Variants in NLRP14 observed in about 807,000 individuals in gnomAD.
NLRP14 encodes the protein NACHT, LRR and PYD domains-containing protein 14.
In NLRP14, 105 loss-of-function variants were observed where a neutral mutation model predicts 94.7. That is an observed-to-expected ratio of 1.11 (90% CI 0.95 to 1.30). The LOEUF is 1.30. Ranked by LOEUF, NLRP14 falls within the 50% of genes most tolerant of loss-of-function variation. The pLI is 0.00. For missense variants in NLRP14, 1,362 were observed against 1,254.1 expected (o/e 1.09, Z -1.30); for synonymous variants, 508 against 459.9 (o/e 1.10, Z -1.34).
At chr11:7,053,676 C>T (rs1340518146) in intron 6 of NLRP14, among the ~76,000 whole-genome samples, 2 of 151,270 alleles carry the variant, frequency 1.3e-5, no homozygotes, top group African/African-American at 4.9e-5. Context: ...TTTTTAGGTA[C>T]ATAGTAGGTG....
intron 8 of NLRP14, among the ~76,000 whole-genome samples, chr11:7,059,197 ATATAT>A (rs1852571500): frequency 6.7e-6 from 1 of 149,924 alleles, no homozygotes; most frequent in Non-Finnish European, 1.5e-5. Flanking sequence ...TTAATATCAC[ATATAT>A]TATTATTTTT....
rs1852284795 is a variant in NLRP14, at chr11:7,042,981, T to C, written c.955T>C (p.Leu319=). 1.9e-6 allele frequency: 3 copies of C among 1,614,050 alleles called. No homozygotes were observed. In the African/African-American group the frequency reaches 4.0e-5, roughly 22 times the overall value. Residue 319 remains leucine (L), a synonymous_variant, in exon 4 of 12, where the codon TTG becomes CTG. Transcript: ENST00000299481. ...AACTTCTAAGAGACTAAAGCAGTTG[T>C]TGAAGAATCACCATTATGTAGAGCT... ...LTTSKRLKQL[L]KNHHYVELLG... is the part of the protein sequence containing the mutation.
intron 1 of NLRP14, among the ~76,000 whole-genome samples, chr11:7,036,374 C>T (rs7120622): frequency 0.94 from 142,931 of 152,290 alleles, 67,752 homozygotes; most frequent in East Asian, 1. Flanking sequence ...TTCTACTCTA[C>T]TATAATTGTA....
intron 4 of NLRP14, among the ~76,000 whole-genome samples, chr11:7,046,152 G>A (rs1051087425): frequency 1.3e-5 from 2 of 152,078 alleles, no homozygotes; most frequent in Non-Finnish European, 2.9e-5. Flanking sequence ...CCACATCTTT[G>A]TGAAAGGAGA....
chr11:7,065,988 T>C (rs1011476257), intron 10 of NLRP14, among the ~76,000 whole-genome samples: 2 of 152,190 alleles, frequency 1.3e-5, no homozygotes, highest in Non-Finnish European at 2.9e-5. Context: ...GTTAGTTTGC[T>C]GAGAATGATG....
Position 7,046,785 on chromosome 11 carries a change from C to A in NLRP14, c.2076C>A (p.Ile692=). ...HSNLDKSAMN[I]LHHELRHPNC... is the part of the protein sequence containing the mutation. Reference sequence around the variant, plus strand: ...ACCTTGATAAATCAGCAATGAATATCCTGCATCATGAACTAAGGCACCCAA... The same window carrying A: ...ACCTTGATAAATCAGCAATGAATATACTGCATCATGAACTAAGGCACCCAA... The change falls in exon 5 of 12, where the codon ATC becomes ATA. Residue 692 remains isoleucine, a synonymous_variant. Coordinates refer to ENST00000299481, the MANE Select transcript of NLRP14 (RefSeq NM_176822.4). The A allele has an allele frequency of 1.2e-6, 2 of 1,613,644 alleles. No homozygotes were observed. Among genetic ancestry groups the A allele is most frequent in the Non-Finnish European group, 8.5e-7 (1 of 1,179,582 alleles).
the NLRP14 span, among the ~76,000 whole-genome samples, chr11:7,080,187 C>CATCTGAA: frequency 7.2e-5 from 11 of 152,174 alleles, no homozygotes; most frequent in African/African-American, 2.2e-4. Flanking sequence ...TTGCAGCTGG[C>CATCTGAA]ATCTGAAGTG....
At chr11:7,040,700 T>C (rs1332778693) in intron 3 of NLRP14, among the ~76,000 whole-genome samples, 1 of 152,176 alleles carries the variant, frequency 6.6e-6, no homozygotes, top group African/African-American at 2.4e-5. Flanking sequence ...CCAGCCACAT[T>C]CTAACAAGCC....
At chr11:7,089,332 G>A in the NLRP14 span, 2 of 1,607,694 alleles carry the variant, frequency 1.2e-6, no homozygotes, top group Admixed American at 1.7e-5. Flanking sequence ...GACATGAACG[G>A]CAAGTCCCTG....
At chr11:7,038,142 G>A (rs148350784) in intron 1 of NLRP14, among the ~76,000 whole-genome samples, 1 of 152,266 alleles carries the variant, frequency 6.6e-6, no homozygotes, top group East Asian at 1.9e-4. Context: ...GGGGATAGAA[G>A]GGATGAGGAT....
At chr11:7,080,755 C>T in the NLRP14 span, among the ~76,000 whole-genome samples, 5 of 152,108 alleles carry the variant, frequency 3.3e-5, no homozygotes, top group African/African-American at 7.2e-5. Flanking sequence ...AAAGAGATAG[C>T]GTAAGACTTA....
chr11:7,069,299 A>G (rs1852755423), intron 10 of NLRP14, among the ~76,000 whole-genome samples: 1 of 152,224 alleles, frequency 6.6e-6, no homozygotes, highest in Non-Finnish European at 1.5e-5. Context: ...AACAAAAAAA[A>G]AGTTTTGTAT....
chr11:7,071,435 G>C lies in NLRP14; in HGVS notation c.*127G>C. On this transcript the variant is annotated 3_prime_UTR_variant, in exon 12 of 12. Transcript: ENST00000299481. Reference sequence around the variant, plus strand: ...GAGATAGTGCACTTGGCAGCTGTCAGATACCATTCATCTACTTCTCTGTAA... The same window carrying C: ...GAGATAGTGCACTTGGCAGCTGTCACATACCATTCATCTACTTCTCTGTAA... 1 of 729,946 alleles carries C rather than the reference G, an allele frequency of 1.4e-6. No homozygotes were observed. 45.2% of individuals were successfully genotyped at this position (729,946 alleles called of 1,614,324 possible). A position where few individuals can be genotyped will look rare whatever the true frequency, so the allele number is the denominator to read the frequency against.
intron 1 of NLRP14, among the ~76,000 whole-genome samples, chr11:7,028,877 T>C (rs1852052356): frequency 6.6e-6 from 1 of 152,144 alleles, no homozygotes; most frequent in Admixed American, 6.5e-5. Flanking sequence ...TATGGATCCA[T>C]TCTCTAGGTG....
intron 3 of NLRP14, 100 bp downstream of exon 3, chr11:7,039,885 T>G (rs1390836966): frequency 5.9e-5 from 55 of 928,240 alleles, no homozygotes; most frequent in South Asian, 6.6e-5. Context: ...TCTTGTTAAC[T>G]TCTTCTAATA....
intron 1 of NLRP14, among the ~76,000 whole-genome samples, chr11:7,023,860 C>T (rs764631198): frequency 2.6e-5 from 4 of 151,900 alleles, no homozygotes; most frequent in Non-Finnish European, 4.4e-5. Context: ...AGGGAGGTTC[C>T]TCACACTTAA....
chr11:7,083,467 T>G, the NLRP14 span, among the ~76,000 whole-genome samples: 1 of 152,192 alleles, frequency 6.6e-6, no homozygotes, highest in African/African-American at 2.4e-5. Flanking sequence ...AATATTTGCA[T>G]CTATCACATG....
chr11:7,040,112 T>C (rs940281545), intron 3 of NLRP14, among the ~76,000 whole-genome samples: 1 of 152,222 alleles, frequency 6.6e-6, no homozygotes, highest in Non-Finnish European at 1.5e-5. Flanking sequence ...ACATCTACTT[T>C]CTTTAAAGAT....
chr11:7,059,646 T>C (rs1007872375), intron 8 of NLRP14, among the ~76,000 whole-genome samples: 1 of 152,000 alleles, frequency 6.6e-6, no homozygotes, highest in East Asian at 1.9e-4. Context: ...ACTATGTATA[T>C]GTGTAATGTA....
Sources: allele counts gnomAD v4.1 joint callset (sites outside exome capture counted in the v4.1 genomes callset), GRCh38; gene constraint gnomAD v4.1.1; transcripts MANE v1.5; gene names NCBI Gene and HGNC (gene_info 2026-07-23, HGNC 2026-07-21).